OLAH: variants seen among roughly 807,000 people sequenced by gnomAD.
OLAH encodes the protein oleoyl-ACP hydrolase.
OLAH carries 33 observed loss-of-function variants against 27.8 expected under a neutral mutation model. The observed-to-expected ratio is 1.19, with a 90% CI of 0.90 to 1.59. The LOEUF (loss-of-function observed/expected upper bound fraction) is 1.59. Among genes scored for constraint, OLAH ranks in the 40% most tolerant of loss-of-function variants. OLAH has a pLI of 0.00. For synonymous variants in OLAH, 120 were observed against 102.9 expected (o/e 1.17, Z -1.01); for missense variants, 359 against 310.8 (o/e 1.16, Z -1.17).
chr10:15,072,844 T>C (rs1261695775), intron 7 of OLAH, among the ~76,000 whole-genome samples: 1 of 152,076 alleles, frequency 6.6e-6, no homozygotes, highest in East Asian at 1.9e-4. Context: ...CTATGGTTTA[T>C]GGTTATGGTG....
chr10:15,069,894 T>C (rs376204429), intron 6 of OLAH, among the ~76,000 whole-genome samples: 1 of 152,148 alleles, frequency 6.6e-6, no homozygotes, highest in East Asian at 1.9e-4. Context: ...AAAGAGGCTG[T>C]GAGTCAGTGG....
chr10:15,050,799 C>T (rs914228141), intron 3 of OLAH, among the ~76,000 whole-genome samples: 58 of 151,994 alleles, frequency 3.8e-4, no homozygotes, highest in Non-Finnish European at 6.5e-4. Context: ...CCTCGGCCTC[C>T]CAAAGTGCTC....
intron 3 of OLAH, among the ~76,000 whole-genome samples, chr10:15,052,266 G>GGC: frequency 6.6e-6 from 1 of 152,268 alleles, no homozygotes; most frequent in Non-Finnish European, 1.5e-5. Flanking sequence ...CTGGGCCACA[G>GGC]AGTGAGACTC....
chr10:15,058,311 T>G (rs1199818024), intron 3 of OLAH, among the ~76,000 whole-genome samples: 2 of 152,164 alleles, frequency 1.3e-5, no homozygotes, highest in Non-Finnish European at 2.9e-5. Context: ...TAGGCTGGTC[T>G]TGGACTCCTG....
chr10:15,057,395 CTTTTT>C (rs10717821), intron 3 of OLAH, among the ~76,000 whole-genome samples: 11 of 93,218 alleles, frequency 1.2e-4, no homozygotes, highest in African/African-American at 1.9e-4. Context: ...TATTTCTGGG[CTTTTT>C]TTTTTTTTTT....
chr10:15,050,111 TAC>T (rs1426684659), intron 3 of OLAH, among the ~76,000 whole-genome samples: 11 of 152,208 alleles, frequency 7.2e-5, no homozygotes, highest in Non-Finnish European at 1.5e-4. Context: ...TTCGAATTAA[TAC>T]AGAGTCTAAA....
chr10:15,046,937 G>A (rs574414202), intron 1 of OLAH, among the ~76,000 whole-genome samples, 189 bp from the exon 2 acceptor site: 2 of 152,168 alleles, frequency 1.3e-5, no homozygotes, highest in African/African-American at 2.4e-5. Flanking sequence ...GAGCAGTCCT[G>A]TTAATGGAAG....
chr10:15,041,185 A>G (rs1344443817), upstream of OLAH, among the ~76,000 whole-genome samples: 1 of 152,206 alleles, frequency 6.6e-6, no homozygotes, highest in African/African-American at 2.4e-5. Context: ...CTGGATTAGA[A>G]TTATCCCATT....
chr10:15,036,413 G>T (rs1263641278), intron 1 of OLAH, among the ~76,000 whole-genome samples: 1 of 152,028 alleles, frequency 6.6e-6, no homozygotes, highest in East Asian at 1.9e-4. Context: ...CAGGAGAATC[G>T]CCGAACCTGG....
chr10:15,037,831 GTTC>G (rs1214093309), intron 1 of OLAH, among the ~76,000 whole-genome samples: 1 of 152,202 alleles, frequency 6.6e-6, no homozygotes, highest in Non-Finnish European at 1.5e-5. Flanking sequence ...TGTAAGCTCT[GTTC>G]TTTATGTAAC....
chr10:15,047,217 A>T lies in OLAH; in HGVS notation c.-72A>T, dbSNP rs527697501. On this transcript the variant is annotated 5_prime_UTR_variant, in exon 2 of 8. Coordinates refer to ENST00000378228, the MANE Select transcript of OLAH (RefSeq NM_001039702.3). ...AGGCCGAGCAGAGGTTCTTCGTCTC[A>T]AGAGGAACTGACTTCTGTTGAGCAC... The T allele has an allele frequency of 6.5e-7, 1 of 1,532,060 alleles. No individual in the cohort carries two copies. Among genetic ancestry groups the T allele is most frequent in the East Asian group, 2.3e-5 (1 of 43,380 alleles). 94.9% of individuals were successfully genotyped at this position (1,532,060 alleles called of 1,614,324 possible). A position where few individuals can be genotyped will look rare whatever the true frequency, so the allele number is the denominator to read the frequency against.
chr10:15,053,026 C>T (rs1430609046), intron 3 of OLAH, among the ~76,000 whole-genome samples: 3 of 152,124 alleles, frequency 2.0e-5, no homozygotes, highest in Non-Finnish European at 4.4e-5. Flanking sequence ...CAGGTGTGAG[C>T]CACTGTGTCT....
chr10:15,042,377 T>G (rs572602318), upstream of OLAH, among the ~76,000 whole-genome samples: 7 of 152,234 alleles, frequency 4.6e-5, no homozygotes, highest in South Asian at 1.5e-3. Context: ...GGTCTGGAAC[T>G]CCTGACCTCA....
At position 15,062,578 on chromosome 10, in the gene OLAH, T is replaced by C. The variant is rs541531811; in HGVS notation, c.302+716T>C. Among the ~76,000 whole-genome samples the C allele has an allele frequency of 1.3e-4, 20 of 150,626 alleles. 1 individual carries two copies. In the South Asian group the frequency reaches 1.5e-3, roughly 11 times the overall value. ...GAAAGATGTTTATTGCTATAATATT[T>C]ATATTATAGTAATATTAAATTAAAT... is the stretch of plus-strand genomic sequence containing the variant. On this transcript the variant is annotated intron_variant, in intron 4 of 7. Coordinates refer to ENST00000378228, the MANE Select transcript of OLAH (RefSeq NM_001039702.3).
intron 3 of OLAH, among the ~76,000 whole-genome samples, chr10:15,054,612 CTT>C: frequency 6.6e-6 from 1 of 151,890 alleles, no homozygotes; most frequent in Admixed American, 6.6e-5. Context: ...ATGACTACTA[CTT>C]TGTTTTGTAA....
intron 3 of OLAH, among the ~76,000 whole-genome samples, chr10:15,054,497 A>G (rs1303092445): frequency 6.6e-6 from 1 of 152,192 alleles, no homozygotes; most frequent in African/African-American, 2.4e-5. Flanking sequence ...TGCTGCTAAC[A>G]GGAGTTTGCA....
At chr10:15,053,935 A>G (rs1368738157) in intron 3 of OLAH, among the ~76,000 whole-genome samples, 1 of 151,298 alleles carries the variant, frequency 6.6e-6, no homozygotes, top group African/African-American at 2.4e-5. Flanking sequence ...GGCTTTTGCC[A>G]TGTTGTCTAG....
rs113995222 is a variant in OLAH, at chr10:15,059,401, G to A, written c.164-2323G>A. On this transcript the variant is annotated intron_variant, in intron 3 of 7. Transcript: ENST00000378228. ...GATAAGGTCTCACTTCATTGCCCAGGCTGTCTCAAACTCCTGGGCTCAAGC... is the reference window on the plus strand; with the variant it reads ...GATAAGGTCTCACTTCATTGCCCAGACTGTCTCAAACTCCTGGGCTCAAGC... 9.2e-3 allele frequency among the ~76,000 whole-genome samples: 1,398 copies of A among 151,530 alleles called. 17 individuals are homozygous for A. The highest frequency in any genetic ancestry group is 0.032 in the African/African-American group (1,340 of 41,364).
chr10:15,071,870 C>T lies in OLAH; in HGVS notation c.648C>T (p.Asp216=). 1 of 1,608,230 alleles carries T rather than the reference C, an allele frequency of 6.2e-7. No individual in the cohort carries two copies. Among genetic ancestry groups the T allele is most frequent in the Non-Finnish European group, 8.5e-7 (1 of 1,174,694 alleles). Residue 216 remains aspartate (D), a synonymous_variant, in exon 7 of 8, where the codon GAC becomes GAT. Coordinates refer to ENST00000378228, the MANE Select transcript of OLAH (RefSeq NM_001039702.3). ...TTGGATCTGAAGACATAGCAAAGGA[C>T]ATGGAAGGTGAAATTATTTTTAGTC... is the stretch of plus-strand genomic sequence containing the variant. The part of the protein sequence containing the change: ...CFVGSEDIAK[D]MEAWKDVTSG...
Sources: gnomAD v4.1 joint callset for allele counts (sites outside exome capture counted in the v4.1 genomes callset) on GRCh38, gnomAD v4.1.1 for gene constraint, MANE v1.5 for transcripts, NCBI Gene and HGNC (gene_info 2026-07-23, HGNC 2026-07-21) for gene names.